ZNF804B: variants seen among roughly 807,000 people sequenced by gnomAD.
ZNF804B encodes zinc finger 804B.
Under a neutral mutation model 101.4 loss-of-function variants are expected in ZNF804B, and 80 were observed. The ratio of observed to expected loss-of-function variants is 0.79; its 90% confidence interval spans 0.66 to 0.95. The LOEUF (loss-of-function observed/expected upper bound fraction) is 0.95. ZNF804B is among the 40% of genes least tolerant of loss of function. ZNF804B has a pLI of 0.00. For missense variants in ZNF804B, 1,673 were observed against 1,561.9 expected (o/e 1.07, Z -1.20); for synonymous variants, 622 against 558.8 (o/e 1.11, Z -1.59).
chr7:89,307,038 T>C (rs1315755727), intron 2 of ZNF804B, among the ~76,000 whole-genome samples: 1 of 152,046 alleles, frequency 6.6e-6, no homozygotes, highest in African/African-American at 2.4e-5. Flanking sequence ...AGTAAATGAA[T>C]GTGCTTGTTT....
intron 1 of ZNF804B, among the ~76,000 whole-genome samples, chr7:88,898,615 A>T (rs1039322031): frequency 2.6e-5 from 4 of 151,714 alleles, no homozygotes; most frequent in African/African-American, 9.7e-5. Flanking sequence ...AGTCTAGAGG[A>T]CCCTCCCGCT....
chr7:89,154,856 C>T (rs1233026685), intron 1 of ZNF804B, among the ~76,000 whole-genome samples: 1 of 151,860 alleles, frequency 6.6e-6, no homozygotes, highest in Non-Finnish European at 1.5e-5. Flanking sequence ...TTAAAAATAA[C>T]TACAATAGTA....
intron 2 of ZNF804B, among the ~76,000 whole-genome samples, chr7:89,225,237 C>A (rs557230459): frequency 2.1e-4 from 32 of 152,172 alleles, no homozygotes; most frequent in African/African-American, 7.0e-4. Context: ...TATTCAAGAA[C>A]TTTGTGAGCT....
chr7:89,149,841 G>T (rs1055393073), intron 1 of ZNF804B, among the ~76,000 whole-genome samples: 1 of 151,064 alleles, frequency 6.6e-6, no homozygotes, highest in Non-Finnish European at 1.5e-5. Context: ...ACTGATATTT[G>T]CCCAGTAGGT....
intron 1 of ZNF804B, among the ~76,000 whole-genome samples, chr7:89,030,567 A>T (rs552204998): frequency 6.6e-6 from 1 of 152,122 alleles, no homozygotes; most frequent in African/African-American, 2.4e-5. Context: ...CTCACTCATC[A>T]GTCTTGAGTT....
intron 1 of ZNF804B, among the ~76,000 whole-genome samples, chr7:89,159,532 A>T (rs984928876): frequency 1.3e-5 from 2 of 152,132 alleles, no homozygotes; most frequent in Non-Finnish European, 2.9e-5. Context: ...GTTAAAGGAG[A>T]TGGTGAAGGT....
At chr7:89,227,198 A>G (rs142702054) in intron 2 of ZNF804B, among the ~76,000 whole-genome samples, 2 of 152,322 alleles carry the variant, frequency 1.3e-5, no homozygotes, top group East Asian at 3.9e-4. Context: ...TACATATGAG[A>G]TAAAATTTGG....
chr7:89,106,579 T>C (rs978289050), intron 1 of ZNF804B, among the ~76,000 whole-genome samples: 1 of 152,074 alleles, frequency 6.6e-6, no homozygotes, highest in African/African-American at 2.4e-5. Context: ...ACTATTACAA[T>C]CTAATGAAAA....
intron 1 of ZNF804B, among the ~76,000 whole-genome samples, chr7:88,867,038 C>G (rs950980142): frequency 5.9e-5 from 9 of 152,076 alleles, no homozygotes; most frequent in Non-Finnish European, 1.3e-4. Context: ...ACACAGTAGA[C>G]TCTTATTAGT....
chr7:89,332,096 C>G (rs1790993985), intron 3 of ZNF804B, among the ~76,000 whole-genome samples: 1 of 151,320 alleles, frequency 6.6e-6, no homozygotes, highest in South Asian at 2.1e-4. Flanking sequence ...AAGGGAAAAG[C>G]ATACAAGCAC....
intron 1 of ZNF804B, among the ~76,000 whole-genome samples, chr7:89,052,736 A>T (rs1024456581): frequency 6.6e-6 from 1 of 152,142 alleles, no homozygotes; most frequent in Non-Finnish European, 1.5e-5. Context: ...TTGCCTCAAC[A>T]AAACGTACTC....
At chr7:89,239,816 A>AT in intron 2 of ZNF804B, among the ~76,000 whole-genome samples, 1 of 148,950 alleles carries the variant, frequency 6.7e-6, no homozygotes, top group South Asian at 2.1e-4. Flanking sequence ...TATATATATA[A>AT]AATTTAATAG....
At chr7:89,112,915 G>T (rs1456115222) in intron 1 of ZNF804B, among the ~76,000 whole-genome samples, 2 of 152,180 alleles carry the variant, frequency 1.3e-5, no homozygotes, top group East Asian at 3.9e-4. Context: ...ATTGCCAAAG[G>T]GCAACCAGAT....
chr7:88,785,490 C>G, intron 1 of ZNF804B, among the ~76,000 whole-genome samples: 1 of 152,108 alleles, frequency 6.6e-6, no homozygotes. Flanking sequence ...CTGTTTCCCA[C>G]AATTCAGAGT....
intron 2 of ZNF804B, among the ~76,000 whole-genome samples, chr7:89,277,341 A>G (rs1291575984): frequency 6.8e-6 from 1 of 146,562 alleles, no homozygotes; most frequent in African/African-American, 2.5e-5. Context: ...TTTTTTTATT[A>G]TTATACTTTA....
At chr7:89,171,288 G>GCTTCTTCTCCTTCTTCTT (rs1791223026) in intron 1 of ZNF804B, among the ~76,000 whole-genome samples, 1 of 82,482 alleles carries the variant, frequency 1.2e-5, no homozygotes, top group Non-Finnish European at 2.6e-5. Flanking sequence ...TGCTGCTGCT[G>GCTTCTTCTCCTTCTTCTT]CTTCTTCTTC....
At chr7:88,790,221 C>T (rs1229075735) in intron 1 of ZNF804B, among the ~76,000 whole-genome samples, 1 of 151,986 alleles carries the variant, frequency 6.6e-6, no homozygotes, top group African/African-American at 2.4e-5. Flanking sequence ...AAGTTATGTA[C>T]TCTTATTTAA....
At chr7:89,289,066 A>G (rs1036622153) in intron 2 of ZNF804B, among the ~76,000 whole-genome samples, 2 of 152,220 alleles carry the variant, frequency 1.3e-5, no homozygotes, top group African/African-American at 4.8e-5. Context: ...GTGAATACTA[A>G]AAGAATAATG....
At chr7:89,027,772 A>G (rs1023487342) in intron 1 of ZNF804B, among the ~76,000 whole-genome samples, 2 of 152,164 alleles carry the variant, frequency 1.3e-5, no homozygotes, top group Non-Finnish European at 2.9e-5. Flanking sequence ...CTAGAGATCA[A>G]TTCAGGGAAG....
Sources: allele counts gnomAD v4.1 joint callset (sites outside exome capture counted in the v4.1 genomes callset), GRCh38; gene constraint gnomAD v4.1.1; transcripts MANE v1.5; gene names NCBI Gene and HGNC (gene_info 2026-07-23, HGNC 2026-07-21).